The following SNIP1 variants were observed in gnomAD, a reference collection of about 807,000 sequenced individuals.
SNIP1 encodes Smad nuclear interacting protein 1.
In SNIP1, 23 loss-of-function variants were observed where a neutral mutation model predicts 37.4. That is an observed-to-expected ratio of 0.61 (90% CI 0.44 to 0.87). SNIP1 has a LOEUF of 0.87. Ranked by LOEUF, SNIP1 falls within the 40% of genes least tolerant of loss-of-function variation. The probability of loss-of-function intolerance (pLI) is 0.00; values close to 1 mark genes in which losing one functional copy is unlikely to be tolerated. For synonymous variants in SNIP1, 174 were observed against 200.0 expected (o/e 0.87, Z 1.10); for missense variants, 459 against 540.4 (o/e 0.85, Z 1.49).
chr1:37,538,614 T>G (rs1295637599), intron 3 of SNIP1, among the ~76,000 whole-genome samples: 2 of 152,008 alleles, frequency 1.3e-5, no homozygotes, highest in Non-Finnish European at 2.9e-5. Context: ...CTTGCTGTGG[T>G]TAAGAAAATA....
At chr1:37,544,553 G>GA (rs1276637641) in intron 2 of SNIP1, among the ~76,000 whole-genome samples, 3 of 151,826 alleles carry the variant, frequency 2.0e-5, no homozygotes, top group Non-Finnish European at 4.4e-5. Context: ...GTTTCAAAAA[G>GA]AAAAAAATGA....
intron 2 of SNIP1, among the ~76,000 whole-genome samples, chr1:37,551,597 GA>G (rs1643302874): frequency 6.6e-6 from 1 of 152,108 alleles, no homozygotes; most frequent in African/African-American, 2.4e-5. Flanking sequence ...AAGACAACAG[GA>G]CAGAAGAAAG....
chr1:37,553,818 A>G (rs2148118704), intron 1 of SNIP1, among the ~76,000 whole-genome samples, 188 bp downstream of exon 1: 1 of 152,324 alleles, frequency 6.6e-6, no homozygotes, highest in Middle Eastern at 3.4e-3. Flanking sequence ...TAGGCGTTGA[A>G]CACCGAGCTA....
intron 2 of SNIP1, among the ~76,000 whole-genome samples, chr1:37,542,630 C>T (rs1246698928): frequency 6.6e-6 from 1 of 152,062 alleles, no homozygotes; most frequent in African/African-American, 2.4e-5. Context: ...GTCCCAGCTA[C>T]TCGGAAAGCT....
At chr1:37,552,559 C>T in intron 2 of SNIP1, 86 bp downstream of exon 2, 2 of 1,145,848 alleles carry the variant, frequency 1.7e-6, no homozygotes, top group Non-Finnish European at 2.6e-6. Context: ...TGTGTGCACA[C>T]ACACAACACA....
At chr1:37,546,995 C>T (rs1393840329) in intron 2 of SNIP1, among the ~76,000 whole-genome samples, 1 of 152,240 alleles carries the variant, frequency 6.6e-6, no homozygotes, top group Non-Finnish European at 1.5e-5. Context: ...ACTGCAATTT[C>T]TTCACACTGG....
intron 2 of SNIP1, among the ~76,000 whole-genome samples, chr1:37,543,707 C>A (rs1450430682): frequency 6.7e-6 from 1 of 149,942 alleles, no homozygotes; most frequent in East Asian, 2.0e-4. Flanking sequence ...AAGGCAAAAT[C>A]TCCAATGAGA....
chr1:37,544,008 T>TG (rs966598800), intron 2 of SNIP1, among the ~76,000 whole-genome samples: 1 of 150,766 alleles, frequency 6.6e-6, no homozygotes, highest in African/African-American at 2.4e-5. Context: ...TAGCCAGGTG[T>TG]GGTAGCGCAT....
At chr1:37,546,147 C>A (rs1343139444) in intron 2 of SNIP1, among the ~76,000 whole-genome samples, 1 of 11,176 alleles carries the variant, frequency 8.9e-5, no homozygotes, top group Middle Eastern at 0.038. Flanking sequence ...GGACTAAGAC[C>A]CCCCCCCCCC....
At chr1:37,544,576 G>A (rs777007220) in intron 2 of SNIP1, among the ~76,000 whole-genome samples, 25 of 152,126 alleles carry the variant, frequency 1.6e-4, no homozygotes, top group African/African-American at 2.7e-4. Flanking sequence ...CGTTCTTTGC[G>A]GAAAGTCCCT....
chr1:37,552,488 C>A, intron 2 of SNIP1, 157 bp downstream of exon 2: 4 of 616,212 alleles, frequency 6.5e-6, no homozygotes, highest in East Asian at 2.8e-5. Flanking sequence ...ATAAATACAG[C>A]CAGTTTTCAG....
At chr1:37,546,072 A>G (rs980051559) in intron 2 of SNIP1, among the ~76,000 whole-genome samples, 2 of 152,068 alleles carry the variant, frequency 1.3e-5, no homozygotes, top group Non-Finnish European at 2.9e-5. Context: ...AGGGTCTCAA[A>G]TAGATACTTG....
At position 37,540,117 on chromosome 1, in the gene SNIP1, T is replaced by C. The variant is rs368960636; in HGVS notation, c.926+40A>G. On this transcript the variant is annotated intron_variant, in intron 3 of 3. Coordinates refer to ENST00000296215, the MANE Select transcript of SNIP1 (RefSeq NM_024700.4). This position sits in a 1 kb window ranked among gnomAD's most constrained non-coding sequence, Gnocchi z 5.6. The stretch of plus-strand genomic sequence containing the variant: ...CTTAGTAATCCTAACTGAGTGATTG[T>C]TTCTGCTCACATTACAGTTTCTTCC... 20 of 1,509,726 alleles carry C rather than the reference T, an allele frequency of 1.3e-5. No individual in the cohort carries two copies. The highest frequency in any genetic ancestry group is 1.8e-5 in the Non-Finnish European group (20 of 1,116,928). 93.5% of individuals were successfully genotyped at this position (1,509,726 alleles called of 1,614,324 possible).
At chr1:37,551,718 A>C (rs928780271) in intron 2 of SNIP1, among the ~76,000 whole-genome samples, 1 of 152,214 alleles carries the variant, frequency 6.6e-6, no homozygotes, top group Non-Finnish European at 1.5e-5. Context: ...TTTTAGCCCC[A>C]TAACTACAAG....
intron 2 of SNIP1, among the ~76,000 whole-genome samples, chr1:37,546,043 A>G (rs1444412500): frequency 6.6e-6 from 1 of 152,078 alleles, no homozygotes; most frequent in African/African-American, 2.4e-5. Flanking sequence ...ATTTCTGGAT[A>G]TCCCAAACAA....
In SNIP1 at chr1:37,537,240, C is replaced by T. The variant is rs1304211777; in HGVS notation, c.*508G>A. ...AAATCAACTTCTAAGCTCAAGAGCT[C>T]AAACAAGTCAAAGCTTTGGTATATA... On this transcript the variant is annotated 3_prime_UTR_variant, in exon 4 of 4. Coordinates refer to ENST00000296215, the MANE Select transcript of SNIP1 (RefSeq NM_024700.4). 1 of 153,486 alleles carries T rather than the reference C, an allele frequency of 6.5e-6. No individual in the cohort carries two copies. The highest frequency in any genetic ancestry group is 1.5e-5 in the Non-Finnish European group (1 of 68,650). The allele number at this position is 153,486 out of a possible 1,614,324, so 9.5% of individuals were successfully genotyped here. A position where few individuals can be genotyped will look rare whatever the true frequency, so the allele number is the denominator to read the frequency against.
intron 2 of SNIP1, chr1:37,544,831 G>A (rs572757844): frequency 2.7e-4 from 205 of 772,048 alleles, no homozygotes; most frequent in Admixed American, 8.9e-4. Flanking sequence ...TCAACGTGGA[G>A]CTCTATGCCT....
intron 2 of SNIP1, among the ~76,000 whole-genome samples, chr1:37,550,774 T>C (rs1643290752): frequency 6.6e-6 from 1 of 151,396 alleles, no homozygotes; most frequent in African/African-American, 2.4e-5. Context: ...CCTGAGAAGA[T>C]ACATATAGAT....
chr1:37,541,211 T>C (rs1643170622), intron 2 of SNIP1: 1 of 153,088 alleles, frequency 6.5e-6, no homozygotes, highest in Non-Finnish European at 1.5e-5. Context: ...TAAATCCTAC[T>C]TCCATAGTTA....
Sources: allele counts gnomAD v4.1 joint callset (sites outside exome capture counted in the v4.1 genomes callset), GRCh38; gene constraint gnomAD v4.1.1; non-coding constraint Gnocchi (gnomAD v3.1); transcripts MANE v1.5; gene names NCBI Gene and HGNC (gene_info 2026-07-23, HGNC 2026-07-21).